CFAP77: variants seen among roughly 807,000 people sequenced by gnomAD.
The protein encoded by CFAP77 is cilia- and flagella-associated protein 77.
CFAP77 carries 25 observed loss-of-function variants against 31.1 expected under a neutral mutation model. That is an observed-to-expected ratio of 0.80 (90% CI 0.59 to 1.12). The LOEUF is 1.12. Ranked by LOEUF, CFAP77 falls within the 50% of genes most tolerant of loss-of-function variation. The pLI is 0.00. For synonymous variants in CFAP77, 151 were observed against 159.9 expected, an observed-to-expected ratio of 0.94 and a Z score of 0.42; for missense variants, 377 against 397.3, an observed-to-expected ratio of 0.95 and a Z score of 0.44.
chr9:132,447,521 C>T (rs543315281), intron 1 of CFAP77, among the ~76,000 whole-genome samples: 3 of 152,210 alleles, frequency 2.0e-5, no homozygotes. Context: ...GATCCCTGCT[C>T]CTGCCACCAG....
At chr9:132,457,771 C>G (rs1850947714) in intron 1 of CFAP77, among the ~76,000 whole-genome samples, 1 of 152,232 alleles carries the variant, frequency 6.6e-6, no homozygotes, top group South Asian at 2.1e-4. Flanking sequence ...CCTGCCTGCT[C>G]TCAAGGAGGC....
Position 132,498,480 on chromosome 9 carries a change from A to C in CFAP77, c.196-215A>C, listed in dbSNP as rs1288697376. Reference sequence around the variant, plus strand: ...TGATGTCTTCACTTGCCTTCAGCACAGACACACAGACCCGCTTCTGCTGTG... The same window carrying C: ...TGATGTCTTCACTTGCCTTCAGCACCGACACACAGACCCGCTTCTGCTGTG... On this transcript the variant is annotated intron_variant, in intron 1 of 5. Transcript: ENST00000393216. The surrounding 1 kb of genome is among the most constrained non-coding windows in gnomAD (Gnocchi z 4.2). 1.3e-5 allele frequency among the ~76,000 whole-genome samples: 2 copies of C among 151,990 alleles called. No homozygotes were observed. The highest frequency in any genetic ancestry group is 2.9e-5 in the Non-Finnish European group (2 of 67,986).
chr9:132,536,350 T>C (rs1462909775), intron 3 of CFAP77, among the ~76,000 whole-genome samples: 4 of 151,334 alleles, frequency 2.6e-5, no homozygotes, highest in Non-Finnish European at 5.9e-5. Context: ...CAAAATGGGC[T>C]GGTTTCCTGG....
chr9:132,525,901 T>G (rs2048834634), intron 3 of CFAP77, among the ~76,000 whole-genome samples: 1 of 152,222 alleles, frequency 6.6e-6, no homozygotes, highest in Admixed American at 6.5e-5. Context: ...GAGAGTTCAT[T>G]CTTTTTCGTT....
At chr9:132,496,206 T>TTA (rs1554743944) in intron 1 of CFAP77, among the ~76,000 whole-genome samples, 5 of 152,058 alleles carry the variant, frequency 3.3e-5, no homozygotes, top group Middle Eastern at 3.4e-3. Flanking sequence ...TCTATTTTTT[T>TTA]AAAAAAAACC....
At chr9:132,542,516 G>C (rs866185267) in intron 4 of CFAP77, among the ~76,000 whole-genome samples, 20 of 152,220 alleles carry the variant, frequency 1.3e-4, no homozygotes, top group African/African-American at 3.9e-4. Flanking sequence ...TGCACGAGCA[G>C]GCCATGGAGG....
Position 132,477,001 on chromosome 9 carries a change from C to T in CFAP77, c.196-21694C>T, listed in dbSNP as rs566994111. 1.2e-4 allele frequency among the ~76,000 whole-genome samples: 19 copies of T among 152,292 alleles called. No individual in the cohort carries two copies. The East Asian group carries it at 2.1e-3, about 17-fold the overall frequency. On this transcript the variant is annotated intron_variant, in intron 1 of 5. Transcript: ENST00000393216. ...GAATGCATGATCAGGTCTTCCCAGC[C>T]GCTGGTGCTGTGACGCCAACCTCCT...
chr9:132,518,841 TCTACA>T (rs2119011230), intron 3 of CFAP77, among the ~76,000 whole-genome samples: 1 of 152,356 alleles, frequency 6.6e-6, no homozygotes, highest in Non-Finnish European at 1.5e-5. Context: ...CAGGTGGCTG[TCTACA>T]CTGGCATTGG....
At chr9:132,451,058 C>T (rs187389349) in intron 1 of CFAP77, among the ~76,000 whole-genome samples, 54 of 151,990 alleles carry the variant, frequency 3.6e-4, no homozygotes, top group Non-Finnish European at 6.3e-4. Flanking sequence ...TGAATTGGTC[C>T]GGGCACGGTG....
intron 5 of CFAP77, among the ~76,000 whole-genome samples, chr9:132,550,897 G>A (rs966782623): frequency 2.6e-5 from 4 of 152,094 alleles, no homozygotes; most frequent in Admixed American, 2.0e-4. Context: ...TAAACTCAGG[G>A]TTCATTCAAA....
Position 132,502,108 on chromosome 9 carries a change from C to G in CFAP77, c.524+2508C>G, listed in dbSNP as rs550401395. Among the ~76,000 whole-genome samples the G allele has an allele frequency of 3.9e-5, 6 of 152,262 alleles. No homozygotes were observed. In the South Asian group the frequency reaches 1.2e-3, roughly 32 times the overall value. ...GCCCCGTTCAGTGGCCTGTGACTGA[C>G]AAAGCCAACATCTCAGCCCATCTGC... On this transcript the variant is annotated intron_variant, in intron 3 of 5. Transcript: ENST00000393216.
At chr9:132,417,156 C>T (rs2131676401) in intron 1 of CFAP77, among the ~76,000 whole-genome samples, 1 of 151,466 alleles carries the variant, frequency 6.6e-6, no homozygotes, top group East Asian at 1.9e-4. Flanking sequence ...ACTCTTTCGC[C>T]CAGGCTGGAG....
chr9:132,503,090 C>A (rs936948410), intron 3 of CFAP77, among the ~76,000 whole-genome samples: 3 of 152,198 alleles, frequency 2.0e-5, no homozygotes, highest in Non-Finnish European at 2.9e-5. Flanking sequence ...TATTCACCAG[C>A]CCTGAAACCA....
chr9:132,446,869 A>G (rs1016672372), intron 1 of CFAP77, among the ~76,000 whole-genome samples: 6 of 151,930 alleles, frequency 3.9e-5, no homozygotes, highest in African/African-American at 1.2e-4. Context: ...CAGCCCTGTG[A>G]GATAGGAATC....
intron 1 of CFAP77, 85 bp downstream of exon 1, chr9:132,410,551 G>A: frequency 1.7e-6 from 2 of 1,209,392 alleles, no homozygotes; most frequent in Non-Finnish European, 2.2e-6. Context: ...CAGCGCCCTG[G>A]CCCCGCGGCC....
chr9:132,542,876 T>C, intron 4 of CFAP77, 70 bp from the exon 5 acceptor site: 1 of 1,211,938 alleles, frequency 8.3e-7, no homozygotes, highest in Non-Finnish European at 1.2e-6. Flanking sequence ...TCTGTCTCTA[T>C]ATCCCTTCAG....
At chr9:132,447,207 T>C (rs1052288912) in intron 1 of CFAP77, among the ~76,000 whole-genome samples, 2 of 152,166 alleles carry the variant, frequency 1.3e-5, no homozygotes, top group African/African-American at 2.4e-5. Context: ...CATTTTATGT[T>C]TTCCCCCCTT....
chr9:132,421,757 C>T (rs1850220094), intron 1 of CFAP77: 1 of 152,296 alleles, frequency 6.6e-6, no homozygotes, highest in African/African-American at 2.4e-5. Flanking sequence ...AAGCATTGCA[C>T]AGTTCCCCTG....
At chr9:132,571,826 C>T (rs956913970) in intron 5 of CFAP77, among the ~76,000 whole-genome samples, 1 of 151,754 alleles carries the variant, frequency 6.6e-6, no homozygotes, top group Non-Finnish European at 1.5e-5. Flanking sequence ...GCTGAGATAC[C>T]GATTGCACAA....
Sources: gnomAD v4.1 joint callset for allele counts (sites outside exome capture counted in the v4.1 genomes callset) on GRCh38, gnomAD v4.1.1 for gene constraint, Gnocchi (gnomAD v3.1) non-coding constraint, MANE v1.5 for transcripts, NCBI Gene and HGNC (gene_info 2026-07-23, HGNC 2026-07-21) for gene names.